Variants in RNF217 observed in about 807,000 individuals in gnomAD.
The protein encoded by RNF217 is ring finger protein 217, also known as E3 ubiquitin-protein ligase RNF217.
A neutral mutation model predicts 57.8 loss-of-function variants in RNF217; 31 were observed. The ratio of observed to expected loss-of-function variants is 0.54; its 90% confidence interval spans 0.40 to 0.72. RNF217 has a LOEUF of 0.72. Among genes scored for constraint, RNF217 ranks in the 30% least tolerant of loss-of-function variants. The probability of loss-of-function intolerance (pLI) is 0.00; values close to 1 mark genes in which losing one functional copy is unlikely to be tolerated. For synonymous variants in RNF217, 313 were observed against 294.0 expected, an observed-to-expected ratio of 1.06 and a Z score of -0.66; for missense variants, 696 against 708.3, an observed-to-expected ratio of 0.98 and a Z score of 0.20.
intron 1 of RNF217, among the ~76,000 whole-genome samples, chr6:124,977,834 C>CA (rs1316106239): frequency 2.6e-5 from 4 of 152,146 alleles, no homozygotes; most frequent in Admixed American, 6.5e-5. Context: ...AATTGAAGCA[C>CA]ATGTTCAGGT....
rs189248955 is a variant in RNF217 at position 125,089,331 on chromosome 6, C to G, written c.*6394C>G. ...ATGTGTGGACATTCATCCAACCTGACCCCAGGTCATTCATTCTCCATCCAA... is the reference window on the plus strand; with the variant it reads ...ATGTGTGGACATTCATCCAACCTGAGCCCAGGTCATTCATTCTCCATCCAA... On this transcript the variant is annotated 3_prime_UTR_variant, in exon 6 of 6. Coordinates refer to ENST00000521654, the MANE Select transcript of RNF217 (RefSeq NM_001286398.3). The G allele has an allele frequency of 6.6e-5, 10 of 152,256 alleles. 1 individual carries two copies. The South Asian group carries it at 1.2e-3, about 19-fold the overall frequency. The allele number at this position is 152,256 out of a possible 1,614,324, so 9.4% of individuals were successfully genotyped here.
At chr6:124,975,674 C>T (rs1027963788) in intron 1 of RNF217, among the ~76,000 whole-genome samples, 2 of 152,234 alleles carry the variant, frequency 1.3e-5, no homozygotes, top group Admixed American at 1.3e-4. Flanking sequence ...TGGGCTCAAG[C>T]GATCTAACCA....
intron 1 of RNF217, among the ~76,000 whole-genome samples, chr6:124,982,511 A>G (rs752580304): frequency 3.3e-5 from 5 of 152,112 alleles, no homozygotes; most frequent in Non-Finnish European, 7.4e-5. Flanking sequence ...AAAATTCTGT[A>G]GTCTAATCCC....
chr6:125,039,092 C>T (rs1033107493), intron 1 of RNF217, among the ~76,000 whole-genome samples: 1 of 152,030 alleles, frequency 6.6e-6, no homozygotes, highest in Non-Finnish European at 1.5e-5. Flanking sequence ...TAAGTGAGAA[C>T]ATGTGATGTT....
At chr6:125,025,264 A>T (rs1786028906) in intron 1 of RNF217, among the ~76,000 whole-genome samples, 1 of 152,140 alleles carries the variant, frequency 6.6e-6, no homozygotes, top group Non-Finnish European at 1.5e-5. Context: ...TGGGTTTTTT[A>T]ATGTGGACGT....
intron 1 of RNF217, among the ~76,000 whole-genome samples, chr6:125,007,827 C>A (rs778477584): frequency 2.0e-5 from 3 of 152,148 alleles, no homozygotes; most frequent in Non-Finnish European, 2.9e-5. Flanking sequence ...TACCTAAAAT[C>A]ATGGATAGTA....
intron 1 of RNF217, among the ~76,000 whole-genome samples, chr6:125,013,719 A>G (rs757464087): frequency 2.0e-5 from 3 of 152,164 alleles, no homozygotes; most frequent in Non-Finnish European, 4.4e-5. Context: ...ATATATATCA[A>G]TTACATCCCA....
rs1006680344 is a variant in RNF217 at position 125,083,079 on chromosome 6, T to A, written c.*142T>A. On this transcript the variant is annotated 3_prime_UTR_variant, in exon 6 of 6. Coordinates refer to ENST00000521654, the MANE Select transcript of RNF217 (RefSeq NM_001286398.3). ...CCCAGTGATTCTCCGTGGGCCACAA[T>A]GCCTCTAGCTATGGTGCACTCCCAA... 1.0e-5 allele frequency: 6 copies of A among 572,414 alleles called. No individual in the cohort carries two copies. The highest frequency in any genetic ancestry group is 1.5e-5 in the Non-Finnish European group (5 of 331,658). 35.5% of individuals were successfully genotyped at this position (572,414 alleles called of 1,614,324 possible). A position where few individuals can be genotyped will look rare whatever the true frequency, so the allele number is the denominator to read the frequency against.
rs1788618202 is a variant in RNF217, at chr6:125,082,677, T to TA, written c.1556-184dup. ...ATTAAACTGGTATCACTGAGGGTGC[T>TA]AAAGGGGAGAAAAGCTAAAGGGAAA... is the stretch of plus-strand genomic sequence containing the variant. On this transcript the variant is annotated intron_variant, in intron 5 of 5. Transcript: ENST00000521654. 2.1e-6 allele frequency: 3 copies of TA among 1,460,966 alleles called. No individual in the cohort carries two copies. The South Asian group carries it at 3.9e-5, about 19-fold the overall frequency. The allele number at this position is 1,460,966 out of a possible 1,614,324, so 90.5% of individuals were successfully genotyped here.
chr6:124,986,103 A>T lies in RNF217; in HGVS notation c.882+22677A>T, dbSNP rs568275248. Among the ~76,000 whole-genome samples, 23 of 152,306 alleles carry T rather than the reference A, an allele frequency of 1.5e-4. 1 individual carries two copies. The highest frequency in any genetic ancestry group is 6.5e-5 in the Admixed American group (1 of 15,300). On this transcript the variant is annotated intron_variant, in intron 1 of 5. Transcript: ENST00000521654. ...TTCTAGATATGTCACAAAGGTAGAA[A>T]TGATCTTCTCCATTAGAGGAGTATA...
chr6:125,076,121 T>C (rs1036407009), intron 3 of RNF217, among the ~76,000 whole-genome samples: 1 of 152,136 alleles, frequency 6.6e-6, no homozygotes, highest in Non-Finnish European at 1.5e-5. Context: ...CATTTACAAA[T>C]AATATTAGAG....
intron 1 of RNF217, among the ~76,000 whole-genome samples, chr6:125,029,355 G>A (rs1438063424): frequency 6.6e-6 from 1 of 151,750 alleles, no homozygotes. Context: ...TTAGTTCCTG[G>A]GGGATATAAA....
chr6:124,975,387 T>C (rs1343480757), intron 1 of RNF217, among the ~76,000 whole-genome samples: 2 of 152,234 alleles, frequency 1.3e-5, no homozygotes, highest in African/African-American at 4.8e-5. Context: ...GACTCTGATA[T>C]GGCCAGATTG....
At chr6:125,021,813 G>A (rs962690089) in intron 1 of RNF217, among the ~76,000 whole-genome samples, 1 of 152,130 alleles carries the variant, frequency 6.6e-6, no homozygotes, top group African/African-American at 2.4e-5. Context: ...TGACTAGGAA[G>A]ATCAGACATT....
chr6:125,082,788 TAAAC>T, intron 5 of RNF217, 72 bp from the exon 6 acceptor site: 2 of 1,215,352 alleles, frequency 1.6e-6, no homozygotes, highest in Non-Finnish European at 1.2e-6. Flanking sequence ...TGCAAATAAA[TAAAC>T]ATAGACATTT....
chr6:125,023,693 G>A (rs1160957972), intron 1 of RNF217, among the ~76,000 whole-genome samples: 1 of 152,160 alleles, frequency 6.6e-6, no homozygotes, highest in Non-Finnish European at 1.5e-5. Flanking sequence ...TGATAGATGA[G>A]TGGATAAAGA....
intron 1 of RNF217, among the ~76,000 whole-genome samples, chr6:124,981,989 C>T (rs1034457143): frequency 5.0e-5 from 7 of 141,260 alleles, no homozygotes; most frequent in Non-Finnish European, 1.1e-4. Context: ...GATCGCGCCG[C>T]TGCACTCCAT....
chr6:125,041,013 A>G (rs1332218290), intron 1 of RNF217, among the ~76,000 whole-genome samples: 1 of 152,116 alleles, frequency 6.6e-6, no homozygotes, highest in East Asian at 1.9e-4. Flanking sequence ...AGCTGGAAAC[A>G]TTCCCTTTGA....
At chr6:124,978,331 C>T (rs150068870) in intron 1 of RNF217, among the ~76,000 whole-genome samples, 119 of 151,900 alleles carry the variant, frequency 7.8e-4, no homozygotes, top group African/African-American at 2.7e-3. Context: ...GGCTGCATTC[C>T]GCTTGTGCCC....
Sources: allele counts gnomAD v4.1 joint callset (sites outside exome capture counted in the v4.1 genomes callset), GRCh38; gene constraint gnomAD v4.1.1; transcripts MANE v1.5; gene names NCBI Gene and HGNC (gene_info 2026-07-23, HGNC 2026-07-21).